The following MAN2B2 variants were observed in gnomAD, a reference collection of about 807,000 sequenced individuals.
MAN2B2 encodes the protein epididymis-specific alpha-mannosidase.
MAN2B2 carries 106 observed loss-of-function variants against 117.1 expected under a neutral mutation model. The observed-to-expected ratio is 0.90, with a 90% CI of 0.77 to 1.06. The LOEUF (loss-of-function observed/expected upper bound fraction) is 1.06, where lower values mean the gene tolerates loss of function less well. Ranked by LOEUF, MAN2B2 falls within the 50% of genes least tolerant of loss-of-function variation. The pLI is 0.00. For missense variants in MAN2B2, 1,326 were observed against 1,381.4 expected, an observed-to-expected ratio of 0.96 and a Z score of 0.64; for synonymous variants, 544 against 595.1, an observed-to-expected ratio of 0.91 and a Z score of 1.25.
At chr4:6,616,810 C>A (rs7663387) in intron 16 of MAN2B2, among the ~76,000 whole-genome samples, 1 of 152,164 alleles carries the variant, frequency 6.6e-6, no homozygotes, top group African/African-American at 2.4e-5. Flanking sequence ...CCCTCTGCCG[C>A]GCACCAGCTG....
Position 6,609,195 on chromosome 4 carries a change from T to C in MAN2B2, c.1903T>C (p.Tyr635His). The C allele has an allele frequency of 6.2e-7, 1 of 1,614,210 alleles. No individual in the cohort carries two copies. The highest frequency in any genetic ancestry group is 8.5e-7 in the Non-Finnish European group (1 of 1,180,042). The part of the protein sequence containing the change: ...DVKQGPISDN[Y>H]LFTPGKAAVP... ...GAAACAGGGCCCCATTTCCGATAAC[T>C]ACCTGTTCACACCGGGCAAGGCCGC... The change falls in exon 12 of 19, where the codon TAC (tyrosine) becomes CAC (histidine). Residue 635 changes from tyrosine (Y) to histidine (H), a missense_variant. Physicochemically the swap from Tyr to His is moderately conservative, Grantham distance 83. Transcript: ENST00000285599.
chr4:6,617,713 C>A, intron 17 of MAN2B2: 1 of 748,536 alleles, frequency 1.3e-6, no homozygotes, highest in Non-Finnish European at 2.0e-6. Context: ...CAGGATCTCA[C>A]TCTGTTGCCC....
rs201445547 is a variant in MAN2B2, at chr4:6,576,636, G to A, written c.197G>A (p.Arg66His). 37 of 1,613,886 alleles carry A rather than the reference G, an allele frequency of 2.3e-5. No homozygotes were observed. In the Middle Eastern group the frequency reaches 5.0e-4, roughly 22 times the overall value. Residue 66 changes from arginine to histidine, a missense_variant, in exon 2 of 19, where the codon CGC (arginine) becomes CAC (histidine). By Grantham distance (29) the Arg-to-His change is conservative. Coordinates refer to ENST00000285599, the MANE Select transcript of MAN2B2 (RefSeq NM_015274.3). Reference protein sequence around the residue: ...VYTSVVEELARGQQRRFIAVE... With the variant: ...VYTSVVEELAHGQQRRFIAVE... ...ACCTCAGTGGTGGAAGAGCTGGCCC[G>A]CGGCCAGCAGCGCCGGTTCATCGCT...
At chr4:6,600,569 C>G in intron 9 of MAN2B2, 54 bp from the exon 10 acceptor site, 1 of 1,596,886 alleles carries the variant, frequency 6.3e-7, no homozygotes, top group South Asian at 1.1e-5. Flanking sequence ...AGTGAGCACC[C>G]CATTCCAGAA....
chr4:6,577,207 A>C (rs2108855128), intron 2 of MAN2B2, among the ~76,000 whole-genome samples: 1 of 152,304 alleles, frequency 6.6e-6, no homozygotes, highest in East Asian at 1.9e-4. Flanking sequence ...ACAGTGAGGC[A>C]GCCTGGGTCC....
intron 11 of MAN2B2, among the ~76,000 whole-genome samples, chr4:6,608,552 G>A (rs765909145): frequency 5.9e-5 from 9 of 152,206 alleles, no homozygotes; most frequent in South Asian, 2.1e-4. Flanking sequence ...ATTTAAAGTC[G>A]GGGCTGAATT....
At chr4:6,593,530 C>G (rs1726942888) in intron 6 of MAN2B2, among the ~76,000 whole-genome samples, 180 bp downstream of exon 6, 1 of 152,214 alleles carries the variant, frequency 6.6e-6, no homozygotes, top group South Asian at 2.1e-4. Flanking sequence ...AGCCCCTCCC[C>G]CACCTGGAAA....
intron 18 of MAN2B2, chr4:6,620,922 G>A: frequency 6.5e-6 from 3 of 458,134 alleles, no homozygotes; most frequent in East Asian, 7.5e-5. Flanking sequence ...TTGCCCTCAG[G>A]GTGGGCAGAA....
chr4:6,597,353 G>T, intron 8 of MAN2B2, 50 bp downstream of exon 8: 3 of 1,483,442 alleles, frequency 2.0e-6, no homozygotes, highest in Non-Finnish European at 2.7e-6. Flanking sequence ...CCCATGCTGC[G>T]CACCTCCCCT....
In MAN2B2 at chr4:6,592,749, C is replaced by A. The variant is rs538449275; in HGVS notation, c.681-424C>A. 5.9e-5 allele frequency among the ~76,000 whole-genome samples: 9 copies of A among 152,272 alleles called. No homozygotes were observed. The South Asian group carries it at 1.9e-3, about 32-fold the overall frequency. ...GGTTCTCCACACCCCCAGCCTAAGG[C>A]AAACAGAGAAAGATGTTAAATACTG... On this transcript the variant is annotated intron_variant, in intron 5 of 18. Transcript: ENST00000285599.
intron 7 of MAN2B2, among the ~76,000 whole-genome samples, chr4:6,596,606 C>T (rs940826957): frequency 1.3e-5 from 2 of 152,102 alleles, no homozygotes; most frequent in Admixed American, 1.3e-4. Flanking sequence ...CTTGCTGCCT[C>T]CTACCATCCA....
chr4:6,604,183 G>C (rs1053242822), intron 10 of MAN2B2, among the ~76,000 whole-genome samples: 1 of 152,202 alleles, frequency 6.6e-6, no homozygotes, highest in South Asian at 2.1e-4. Flanking sequence ...AAGGGCCAGA[G>C]GACAGAGTAA....
In MAN2B2 at chr4:6,605,132, C is replaced by A. The variant is rs761731036; in HGVS notation, c.1617C>A (p.His539Gln). Residue 539 changes from histidine (H) to glutamine (Q), a missense_variant, in exon 11 of 19, where the codon CAC (histidine) becomes CAA (glutamine). His to Gln is a conservative substitution (Grantham distance 24). Coordinates refer to ENST00000285599, the MANE Select transcript of MAN2B2 (RefSeq NM_015274.3). ...LTTIPGLSYR[H>Q]YNIRPTAGAQ... is the part of the protein sequence containing the mutation. ...CAATCCCAGGCCTCAGTTACCGGCA[C>A]TACAACATCAGACCCACTGCAGGGG... The A allele has an allele frequency of 1.2e-6, 2 of 1,614,204 alleles. No individual in the cohort carries two copies. Among genetic ancestry groups the A allele is most frequent in the Admixed American group, 1.7e-5 (1 of 60,034 alleles).
At chr4:6,606,756 A>G (rs533544529) in intron 11 of MAN2B2, among the ~76,000 whole-genome samples, 16 of 152,310 alleles carry the variant, frequency 1.1e-4, no homozygotes, top group Admixed American at 4.6e-4. Flanking sequence ...AGTAGGGGCC[A>G]TCGGGAGACG....
Position 6,613,359 on chromosome 4 carries a change from C to T in MAN2B2, c.2564-859C>T, listed in dbSNP as rs578123799. On this transcript the variant is annotated intron_variant, in intron 15 of 18. Transcript: ENST00000285599. ...ATCCCAGCACTTCGGGAGGGCAAGA[C>T]GGGAGGATCTCTTAAGCCCAGGAGT... is the stretch of plus-strand genomic sequence containing the variant. 6.6e-5 allele frequency among the ~76,000 whole-genome samples: 10 copies of T among 152,106 alleles called. No individual in the cohort carries two copies. The East Asian group carries it at 1.5e-3, about 24-fold the overall frequency.
intron 3 of MAN2B2, 127 bp downstream of exon 3, chr4:6,578,625 G>A: frequency 1.4e-6 from 1 of 704,898 alleles, no homozygotes; most frequent in Non-Finnish European, 2.4e-6. Context: ...CTTAACCAGT[G>A]AAAGCAGTGA....
chr4:6,591,757 G>A (rs1011824290), intron 5 of MAN2B2, among the ~76,000 whole-genome samples: 12 of 152,248 alleles, frequency 7.9e-5, no homozygotes, highest in African/African-American at 2.4e-4. Flanking sequence ...ACTCAGTGGG[G>A]ACCAGGAGTG....
Position 6,594,558 on chromosome 4 carries a change from G to C in MAN2B2, c.883G>C (p.Ala295Pro). The change falls in exon 7 of 19, where the codon GCC (alanine) becomes CCC (proline). Residue 295 changes from alanine (A) to proline (P), a missense_variant. By Grantham distance (27) the Ala-to-Pro change is conservative. Transcript: ENST00000285599. ...GGGATGTGACAAGCAGTTCTTCAAT[G>C]CCTCGGTGCAGTTTGCCAACATGGA... is the stretch of plus-strand genomic sequence containing the variant. The part of the protein sequence containing the change: ...PWGCDKQFFN[A>P]SVQFANMDPL... 6.2e-7 allele frequency: 1 copy of C among 1,613,478 alleles called. No individual in the cohort carries two copies. Among genetic ancestry groups the C allele is most frequent in the Non-Finnish European group, 8.5e-7 (1 of 1,180,034 alleles).
intron 5 of MAN2B2, among the ~76,000 whole-genome samples, chr4:6,590,040 C>T (rs533214584): frequency 6.6e-6 from 1 of 151,814 alleles, no homozygotes; most frequent in Admixed American, 6.6e-5. Context: ...GCACTCCAGC[C>T]TGGGCAACAG....
Sources: allele counts gnomAD v4.1 joint callset (sites outside exome capture counted in the v4.1 genomes callset), GRCh38; gene constraint gnomAD v4.1.1; transcripts MANE v1.5; gene names NCBI Gene and HGNC (gene_info 2026-07-23, HGNC 2026-07-21).